COLEC10: variants seen among roughly 807,000 people sequenced by gnomAD.
COLEC10 encodes collectin subfamily member 10.
COLEC10 carries 22 observed loss-of-function variants against 28.4 expected under a neutral mutation model. That is an observed-to-expected ratio of 0.78 (90% CI 0.55 to 1.11). The LOEUF is 1.11. Among genes scored for constraint, COLEC10 ranks in the 50% least tolerant of loss-of-function variants. The pLI is 0.00. For missense variants in COLEC10, 361 were observed against 344.1 expected, an observed-to-expected ratio of 1.05 and a Z score of -0.39; for synonymous variants, 125 against 116.1, an observed-to-expected ratio of 1.08 and a Z score of -0.49.
the COLEC10 span, among the ~76,000 whole-genome samples, chr8:118,971,146 A>G: frequency 3.9e-5 from 6 of 151,998 alleles, no homozygotes; most frequent in African/African-American, 1.4e-4. Context: ...GGGAAACCAT[A>G]TTTTAATCTT....
chr8:118,985,376 T>C, the COLEC10 span, among the ~76,000 whole-genome samples: 1 of 152,140 alleles, frequency 6.6e-6, no homozygotes, highest in Admixed American at 6.6e-5. Context: ...ACTAATTTTG[T>C]AAGAAGGTCT....
At chr8:119,086,060 T>C (rs1008695570) in intron 1 of COLEC10, among the ~76,000 whole-genome samples, 6 of 152,176 alleles carry the variant, frequency 3.9e-5, no homozygotes, top group African/African-American at 1.4e-4. Flanking sequence ...TTTTAATAAG[T>C]ATTTCCTTTG....
the COLEC10 span, among the ~76,000 whole-genome samples, chr8:118,977,585 C>T: frequency 7.9e-6 from 1 of 126,774 alleles, no homozygotes; most frequent in Non-Finnish European, 1.6e-5. Flanking sequence ...GAACATCACA[C>T]TCTGTGGACT....
At chr8:119,022,764 A>T (rs900258351) in intron 2 of COLEC10, among the ~76,000 whole-genome samples, 4 of 152,036 alleles carry the variant, frequency 2.6e-5, no homozygotes, top group Non-Finnish European at 5.9e-5. Flanking sequence ...TAGTCACAGT[A>T]ATCCTTTTAA....
At chr8:119,030,082 A>T (rs555277798) in intron 2 of COLEC10, among the ~76,000 whole-genome samples, 2 of 152,226 alleles carry the variant, frequency 1.3e-5, no homozygotes, top group Non-Finnish European at 2.9e-5. Context: ...CTGGAGCCAC[A>T]TATCTCCCTC....
At chr8:119,004,891 T>TATC (rs34264040) in intron 1 of COLEC10, among the ~76,000 whole-genome samples, 94,939 of 151,342 alleles carry the variant, frequency 0.63, 30,808 homozygotes, top group African/African-American at 0.79. Context: ...GAATGTTTCC[T>TATC]ATCATCTTTC....
At chr8:119,039,693 G>A (rs1220002276) in intron 2 of COLEC10, among the ~76,000 whole-genome samples, 1 of 152,188 alleles carries the variant, frequency 6.6e-6, no homozygotes, top group Middle Eastern at 3.2e-3. Flanking sequence ...TGTTCTGAAG[G>A]TTCTGGGGGA....
intron 2 of COLEC10, among the ~76,000 whole-genome samples, chr8:119,058,153 A>G (rs1436501519): frequency 6.6e-6 from 1 of 152,010 alleles, no homozygotes; most frequent in African/African-American, 2.4e-5. Flanking sequence ...TCAAAATACA[A>G]TTTGTCTACT....
At chr8:118,969,435 G>T in the COLEC10 span, among the ~76,000 whole-genome samples, 1 of 152,040 alleles carries the variant, frequency 6.6e-6, no homozygotes. Context: ...GAGTTTGGGT[G>T]TGCATTTATT....
At chr8:119,086,035 A>G (rs537856177) in intron 1 of COLEC10, among the ~76,000 whole-genome samples, 2 of 152,280 alleles carry the variant, frequency 1.3e-5, no homozygotes, top group South Asian at 2.1e-4. Context: ...AGCATCTCCA[A>G]AATAATTCAC....
At chr8:119,031,468 A>G (rs1443409389) in intron 2 of COLEC10, among the ~76,000 whole-genome samples, 1 of 152,234 alleles carries the variant, frequency 6.6e-6, no homozygotes, top group Non-Finnish European at 1.5e-5. Context: ...GCCACCTGGC[A>G]GGTGGTAGAA....
chr8:118,994,306 T>C (rs1353290181), upstream of COLEC10, among the ~76,000 whole-genome samples: 1 of 152,108 alleles, frequency 6.6e-6, no homozygotes, highest in East Asian at 1.9e-4. Flanking sequence ...ATGGCAAAAA[T>C]GGATCTTAAG....
chr8:119,091,312 C>A, intron 3 of COLEC10, 92 bp downstream of exon 3: 1 of 909,124 alleles, frequency 1.1e-6, no homozygotes, highest in Non-Finnish European at 1.7e-6. Context: ...CACTCAGAGA[C>A]CGAGGTGGGA....
chr8:118,967,231 CT>C, the COLEC10 span, among the ~76,000 whole-genome samples: 2 of 151,964 alleles, frequency 1.3e-5, no homozygotes, highest in African/African-American at 4.8e-5. Context: ...TTGATTTATT[CT>C]GATGTACAAG....
At chr8:119,089,550 C>T in intron 1 of COLEC10, 130 bp from the exon 2 acceptor site, 1 of 663,482 alleles carries the variant, frequency 1.5e-6, no homozygotes, top group Non-Finnish European at 2.7e-6. Flanking sequence ...TACATCCATA[C>T]TCACAGCTGG....
rs531674603 is a variant in COLEC10 at position 119,106,100 on chromosome 8, G to A, written c.743G>A (p.Cys248Tyr). The A allele has an allele frequency of 6.2e-7, 1 of 1,613,876 alleles. No homozygotes were observed. The highest frequency in any genetic ancestry group is 8.5e-7 in the Non-Finnish European group (1 of 1,179,840). ...AGCGACCCCTATGGTCATGAGGACTGTGTGGAGATGCTGAGCTCTGGCAGA... is the reference window on the plus strand; with the variant it reads ...AGCGACCCCTATGGTCATGAGGACTATGTGGAGATGCTGAGCTCTGGCAGA... ...EPSDPYGHED[C>Y]VEMLSSGRWN... Residue 248 changes from cysteine to tyrosine, a missense_variant, in exon 6 of 6, where the codon TGT becomes TAT. Cys to Tyr is a radical substitution (Grantham distance 194). Coordinates refer to ENST00000332843, the MANE Select transcript of COLEC10 (RefSeq NM_006438.5).
At chr8:119,070,477 CCTTCCCCCT>C (rs1815088779) in intron 1 of COLEC10, among the ~76,000 whole-genome samples, 8 of 101,832 alleles carry the variant, frequency 7.9e-5, no homozygotes, top group Admixed American at 2.7e-4. Context: ...CTCTCTCTCT[CCTTCCCCCT>C]CCTTCCCTCC....
At chr8:119,020,506 C>G (rs4565488) in intron 2 of COLEC10, among the ~76,000 whole-genome samples, 6,690 of 152,120 alleles carry the variant, frequency 0.044, 217 homozygotes, top group East Asian at 0.16. Flanking sequence ...CATAAGGTTG[C>G]TGAGTACTGG....
intron 2 of COLEC10, among the ~76,000 whole-genome samples, chr8:119,030,970 A>G (rs78035701): frequency 0.044 from 6,673 of 152,272 alleles, 210 homozygotes; most frequent in East Asian, 0.16. Context: ...GACTCTAATC[A>G]TCTCAGATGG....
Sources: allele counts gnomAD v4.1 joint callset (sites outside exome capture counted in the v4.1 genomes callset), GRCh38; gene constraint gnomAD v4.1.1; transcripts MANE v1.5; gene names NCBI Gene and HGNC (gene_info 2026-07-23, HGNC 2026-07-21).